Variants in NVL observed in about 807,000 individuals in gnomAD.
NVL encodes nuclear valosin-containing protein-like.
In NVL, 84 loss-of-function variants were observed where a neutral mutation model predicts 110.2. The ratio of observed to expected loss-of-function variants is 0.76; its 90% confidence interval spans 0.64 to 0.91. NVL has a LOEUF of 0.91. Among genes scored for constraint, NVL ranks in the 40% least tolerant of loss-of-function variants. The probability of loss-of-function intolerance (pLI) is 0.00; values close to 1 mark genes in which losing one functional copy is unlikely to be tolerated. For synonymous variants in NVL, 354 were observed against 361.1 expected (o/e 0.98, Z 0.22); for missense variants, 882 against 1,035.9 (o/e 0.85, Z 2.04).
rs377515396 is a variant in NVL, at chr1:224,319,244, TAC to T, written c.132-1316_132-1315del. Among the ~76,000 whole-genome samples, 13 of 151,502 alleles carry T rather than the reference TAC, an allele frequency of 8.6e-5. No homozygotes were observed. The East Asian group carries it at 2.3e-3, about 27-fold the overall frequency. ...TTTAATATTGATAAATTATCTAATA[TAC>T]AGTCCATATTAAAATTTCTCAAATT... On this transcript the variant is annotated intron_variant, in intron 2 of 22. Coordinates refer to ENST00000281701, the MANE Select transcript of NVL (RefSeq NM_002533.4).
At chr1:224,254,390 A>ATTTT (rs36065511) in intron 18 of NVL, among the ~76,000 whole-genome samples, 3 of 84,284 alleles carry the variant, frequency 3.6e-5, no homozygotes, top group African/African-American at 4.6e-5. Context: ...AGTGCCTGGC[A>ATTTT]TTTTTTTTTT....
chr1:224,230,040 C>G (rs1484525557), intron 22 of NVL, among the ~76,000 whole-genome samples: 1 of 152,100 alleles, frequency 6.6e-6, no homozygotes, highest in East Asian at 1.9e-4. Flanking sequence ...CCATGTTGCC[C>G]AGGCTGATCT....
At chr1:224,255,435 G>A (rs868747612) in intron 18 of NVL, among the ~76,000 whole-genome samples, 2 of 150,806 alleles carry the variant, frequency 1.3e-5, no homozygotes, top group Admixed American at 6.6e-5. Flanking sequence ...CTTGTGATCC[G>A]CCCACCTGGG....
chr1:224,247,859 G>A (rs2102749217), intron 19 of NVL, among the ~76,000 whole-genome samples: 1 of 152,222 alleles, frequency 6.6e-6, no homozygotes, highest in East Asian at 1.9e-4. Flanking sequence ...GGAATATTTA[G>A]CAGCATGATC....
At chr1:224,259,031 C>G (rs1169785594) in intron 18 of NVL, among the ~76,000 whole-genome samples, 1 of 141,446 alleles carries the variant, frequency 7.1e-6, no homozygotes, top group African/African-American at 2.6e-5. Context: ...TTGCCTAAGG[C>G]TGGAGATGAG....
chr1:224,262,857 C>T (rs893410761), intron 18 of NVL, among the ~76,000 whole-genome samples: 7 of 152,114 alleles, frequency 4.6e-5, no homozygotes, highest in Non-Finnish European at 7.3e-5. Context: ...GTGACACAGC[C>T]ATAGTAATGT....
At position 224,273,914 on chromosome 1, in the gene NVL, A is replaced by G. The variant is rs375295855; in HGVS notation, c.2082+1425T>C. 1.6e-4 allele frequency among the ~76,000 whole-genome samples: 24 copies of G among 152,170 alleles called. No homozygotes were observed. The East Asian group carries it at 4.4e-3, about 28-fold the overall frequency. Reference sequence around the variant, plus strand: ...AGGATGAAGAAACAAAACCGCTAAAATGTGAGTCACATTTATTTATTTATT... The same window carrying G: ...AGGATGAAGAAACAAAACCGCTAAAGTGTGAGTCACATTTATTTATTTATT... On this transcript the variant is annotated intron_variant, in intron 17 of 22. Transcript: ENST00000281701.
At chr1:224,231,127 C>T (rs559082624) in intron 22 of NVL, 99 bp downstream of exon 22, 26 of 782,410 alleles carry the variant, frequency 3.3e-5, no homozygotes, top group Non-Finnish European at 4.8e-5. Flanking sequence ...AGCAAGACTC[C>T]GTCTCAAAAA....
intron 18 of NVL, 120 bp downstream of exon 18, chr1:224,267,914 G>A: frequency 1.4e-6 from 1 of 694,926 alleles, no homozygotes; most frequent in East Asian, 2.8e-5. Context: ...GGATGCATGT[G>A]AATTATATTG....
At chr1:224,318,961 C>A (rs1313677460) in intron 2 of NVL, among the ~76,000 whole-genome samples, 3 of 150,656 alleles carry the variant, frequency 2.0e-5, no homozygotes, top group African/African-American at 7.3e-5. Context: ...TGCACTCCAG[C>A]CTGGGCGACA....
intron 2 of NVL, among the ~76,000 whole-genome samples, chr1:224,321,826 G>A (rs1411461778): frequency 1.3e-5 from 2 of 151,404 alleles, no homozygotes; most frequent in Non-Finnish European, 2.9e-5. Context: ...GGCTAGTATA[G>A]TAATGGTAGG....
intron 16 of NVL, among the ~76,000 whole-genome samples, chr1:224,280,270 A>T (rs1380651001): frequency 6.6e-6 from 1 of 151,716 alleles, no homozygotes; most frequent in East Asian, 1.9e-4. Flanking sequence ...TTATAATAAA[A>T]TTTTTATTAA....
chr1:224,254,928 A>G (rs377699986), intron 18 of NVL, among the ~76,000 whole-genome samples: 2 of 143,602 alleles, frequency 1.4e-5, no homozygotes, highest in East Asian at 4.2e-4. Context: ...GCTGGAGTAC[A>G]GTGGCATGAC....
At chr1:224,292,619 C>T (rs1023737305) in intron 12 of NVL, among the ~76,000 whole-genome samples, 3 of 152,254 alleles carry the variant, frequency 2.0e-5, no homozygotes. Flanking sequence ...CTGGATCTAG[C>T]CCCTATCTGA....
Position 224,294,253 on chromosome 1 carries a change from C to G in NVL, c.1325+14G>C, listed in dbSNP as rs1216724299. ...GACTTAGTGGCATACAAACTTCATT[C>G]TATAAGAATATACCTTTCCCTGGAT... On this transcript the variant is annotated intron_variant, in intron 12 of 22. Coordinates refer to ENST00000281701, the MANE Select transcript of NVL (RefSeq NM_002533.4). 6.2e-7 allele frequency: 1 copy of G among 1,613,880 alleles called. No homozygotes were observed. Among genetic ancestry groups the G allele is most frequent in the South Asian group, 1.1e-5 (1 of 91,052 alleles).
chr1:224,314,401 C>T (rs1466419108), intron 4 of NVL, among the ~76,000 whole-genome samples: 3 of 152,148 alleles, frequency 2.0e-5, no homozygotes, highest in Admixed American at 6.6e-5. Flanking sequence ...CACCCCAAAT[C>T]CTGTAGACAT....
At chr1:224,265,724 G>A (rs1476472662) in intron 18 of NVL, among the ~76,000 whole-genome samples, 4 of 152,138 alleles carry the variant, frequency 2.6e-5, no homozygotes, top group African/African-American at 7.2e-5. Flanking sequence ...CCTCATGAAT[G>A]ATGCTGGTTT....
chr1:224,233,005 C>T, intron 21 of NVL, 196 bp downstream of exon 21: 1 of 501,446 alleles, frequency 2.0e-6, no homozygotes, highest in Non-Finnish European at 3.5e-6. Flanking sequence ...TAGAGAGGTA[C>T]TAAATAACTT....
At chr1:224,319,983 T>C (rs765358584) in intron 2 of NVL, among the ~76,000 whole-genome samples, 40 of 152,166 alleles carry the variant, frequency 2.6e-4, no homozygotes, top group Middle Eastern at 3.4e-3. Context: ...ATATTCTATA[T>C]AGTAACTACC....
Sources: gnomAD v4.1 joint callset for allele counts (sites outside exome capture counted in the v4.1 genomes callset) on GRCh38, gnomAD v4.1.1 for gene constraint, MANE v1.5 for transcripts, NCBI Gene and HGNC (gene_info 2026-07-23, HGNC 2026-07-21) for gene names.